MED1: variants seen among roughly 807,000 people sequenced by gnomAD.
MED1 encodes mediator complex subunit 1, also known as mediator of RNA polymerase II transcription subunit 1.
Under a neutral mutation model 121.3 loss-of-function variants are expected in MED1, and 17 were observed. The ratio of observed to expected loss-of-function variants is 0.14; its 90% CI spans 0.10 to 0.21. The LOEUF is 0.21. Ranked by LOEUF, MED1 falls within the 10% of genes least tolerant of loss-of-function variation. The pLI, the probability that MED1 is intolerant of heterozygous loss-of-function variation, is 1.00. For synonymous variants in MED1, 661 were observed against 694.4 expected (o/e 0.95, Z 0.76); for missense variants, 1,558 against 1,919.4 (o/e 0.81, Z 3.52).
chr17:39,433,335 C>G (rs2048585478), intron 7 of MED1, among the ~76,000 whole-genome samples: 1 of 150,704 alleles, frequency 6.6e-6, no homozygotes, highest in Non-Finnish European at 1.5e-5. Flanking sequence ...TGCCACTGCA[C>G]TCCAGCCTGG....
At chr17:39,439,332 T>C (rs2048650256) in intron 5 of MED1, 139 bp from the exon 6 acceptor site, 4 of 585,250 alleles carry the variant, frequency 6.8e-6, no homozygotes, top group Non-Finnish European at 1.1e-5. Flanking sequence ...TATTAAAATA[T>C]TAAAAAGCAT....
Position 39,409,788 on chromosome 17 carries a change from T to C in MED1, c.2433A>G (p.Ser811=), listed in dbSNP as rs745828226. The C allele has an allele frequency of 6.2e-7, 1 of 1,614,082 alleles. No homozygotes were observed. The highest frequency in any genetic ancestry group is 8.5e-7 in the Non-Finnish European group (1 of 1,180,036). ...GGGTACTCTGAGAATGCCCAGAGCT[T>C]GAAGAATCTCGAAGAGGGGTGCCAA... The part of the protein sequence containing the change: ...PAIGTPLRDS[S]SSGHSQSTLF... Residue 811 remains serine, a synonymous_variant, in exon 17 of 17, where the codon TCA becomes TCG. Coordinates refer to ENST00000300651, the MANE Select transcript of MED1 (RefSeq NM_004774.4).
At position 39,410,509 on chromosome 17, in the gene MED1, G is replaced by A. The variant is rs748596229; in HGVS notation, c.1712C>T (p.Pro571Leu). 6.2e-7 allele frequency: 1 copy of A among 1,614,068 alleles called. No individual in the cohort carries two copies. Residue 571 changes from proline (P) to leucine (L), a missense_variant, in exon 17 of 17, where the codon CCC (proline) becomes CTC (leucine). By Grantham distance (98) the Pro-to-Leu change is moderately conservative (BLOSUM62 -3). Transcript: ENST00000300651. ...TTPTNTFPGG[P>L]ITTLFNMSMS... ...GCTCATATTAAACAAGGTGGTAATGGGACCCCCCGGAAAGGTGTTGGTTGG... is the reference window on the plus strand; with the variant it reads ...GCTCATATTAAACAAGGTGGTAATGAGACCCCCCGGAAAGGTGTTGGTTGG...
At chr17:39,445,280 T>C (rs2048715671) in intron 2 of MED1, 1 of 152,062 alleles carries the variant, frequency 6.6e-6, no homozygotes, top group Non-Finnish European at 1.5e-5. Flanking sequence ...TAGCATGATC[T>C]TGGCTCACTG....
chr17:39,448,034 AC>A, intron 1 of MED1, 130 bp from the exon 2 acceptor site: 1 of 609,852 alleles, frequency 1.6e-6, no homozygotes, highest in East Asian at 2.8e-5. Flanking sequence ...AAATCATTTT[AC>A]TTCAAAACAT....
At chr17:39,423,240 C>T (rs944845750) in intron 13 of MED1, 87 bp downstream of exon 13, 1 of 966,566 alleles carries the variant, frequency 1.0e-6, no homozygotes, top group African/African-American at 1.6e-5. Flanking sequence ...AGAAACTTAT[C>T]TGACCTCAAT....
intron 13 of MED1, among the ~76,000 whole-genome samples, chr17:39,421,885 T>C (rs1029144467): frequency 9.3e-5 from 14 of 151,304 alleles, no homozygotes; most frequent in African/African-American, 3.4e-4. Flanking sequence ...TCCTAGCACT[T>C]TGGGAGGCCG....
chr17:39,424,714 G>A lies in MED1; in HGVS notation c.764C>T (p.Ala255Val), dbSNP rs779426321. ...AGATGTTCCTTCAATTGTCACTGAT[G>A]CATTCATGCCCAAAGATCGAGAAAC... The part of the protein sequence containing the change: ...NNVSRSLGMN[A>V]SVTIEGTSAV... Residue 255 changes from alanine (A) to valine (V), a missense_variant, in exon 11 of 17, where the codon GCA becomes GTA. Ala to Val is a moderately conservative substitution (Grantham distance 64). This residue lies in a region of MED1 where 443 missense variants were observed against 532.4 expected (regional missense o/e 0.83). Coordinates refer to ENST00000300651, the MANE Select transcript of MED1 (RefSeq NM_004774.4). 36 of 1,609,224 alleles carry A rather than the reference G, an allele frequency of 2.2e-5. 1 individual carries two copies. The highest frequency in any genetic ancestry group is 3.3e-5 in the South Asian group (3 of 90,236).
chr17:39,444,041 A>G (rs1365760192), intron 2 of MED1, among the ~76,000 whole-genome samples: 1 of 152,220 alleles, frequency 6.6e-6, no homozygotes, highest in African/African-American at 2.4e-5. Context: ...TATTAGGAAG[A>G]ATCAAAATGT....
rs1208663091 is a variant in MED1 at position 39,409,191 on chromosome 17, T to G, written c.3030A>C (p.Pro1010=). 1.2e-6 allele frequency: 2 copies of G among 1,614,108 alleles called. No homozygotes were observed. The highest frequency in any genetic ancestry group is 1.7e-6 in the Non-Finnish European group (2 of 1,180,048). The change falls in exon 17 of 17, where the codon CCA becomes CCC. Residue 1010 remains proline, a synonymous_variant. Coordinates refer to ENST00000300651, the MANE Select transcript of MED1 (RefSeq NM_004774.4). ...SNDGKSKDKP[P]KRKKADTEGK... is the part of the protein sequence containing the mutation. ...CCTCAGTGTCTGCCTTCTTCCGCTT[T>G]GGAGGCTTATCTTTGCTTTTCCCAT...
chr17:39,423,498 G>T, intron 12 of MED1, 53 bp from the exon 13 acceptor site: 2 of 1,488,886 alleles, frequency 1.3e-6, no homozygotes, highest in Non-Finnish European at 1.9e-6. Flanking sequence ...AACACTGACA[G>T]CTCAGTTTCC....
intron 5 of MED1, among the ~76,000 whole-genome samples, chr17:39,439,757 G>C (rs886638695): frequency 2.6e-4 from 39 of 152,068 alleles, no homozygotes; most frequent in African/African-American, 9.4e-4. Flanking sequence ...GGCCAACATA[G>C]GGAAACCCCG....
At chr17:39,419,184 C>T (rs545331663) in intron 14 of MED1, among the ~76,000 whole-genome samples, 1 of 151,948 alleles carries the variant, frequency 6.6e-6, no homozygotes, top group Non-Finnish European at 1.5e-5. Context: ...CAGGCTCAAG[C>T]GACAATCCTC....
chr17:39,409,915 A>G lies in MED1; in HGVS notation c.2306T>C (p.Leu769Pro). The part of the protein sequence containing the change: ...PQPSIQRMVR[L>P]SSSDSIGPDV... ...TGGGCCAATGCTGTCTGAACTGGAT[A>G]GTCGGACCATCCTTTGAATACTGGG... The change falls in exon 17 of 17, where the codon CTA becomes CCA. Residue 769 changes from leucine (L) to proline (P), a missense_variant. This residue lies in a region of MED1 where 793 missense variants were observed against 898.2 expected (regional missense o/e 0.88). Coordinates refer to ENST00000300651, the MANE Select transcript of MED1 (RefSeq NM_004774.4). 6.2e-7 allele frequency: 1 copy of G among 1,614,156 alleles called. No individual in the cohort carries two copies.
At chr17:39,415,858 C>G (rs575725664) in intron 14 of MED1, among the ~76,000 whole-genome samples, 1 of 148,044 alleles carries the variant, frequency 6.8e-6, no homozygotes, top group Non-Finnish European at 1.5e-5. Context: ...GGTGTGGTGG[C>G]GCACACCTGT....
At chr17:39,419,237 A>T (rs986015869) in intron 14 of MED1, among the ~76,000 whole-genome samples, 5 of 151,174 alleles carry the variant, frequency 3.3e-5, no homozygotes, top group Non-Finnish European at 7.4e-5. Flanking sequence ...GGCGCACACC[A>T]CCACAACTGG....
chr17:39,447,845 G>T lies in MED1; in HGVS notation c.85C>A (p.Gln29Lys). 6.2e-7 allele frequency: 1 copy of T among 1,613,772 alleles called. No individual in the cohort carries two copies. The highest frequency in any genetic ancestry group is 1.3e-5 in the African/African-American group (1 of 75,026). ...LLERLHAKFN[Q>K]NRPWSETIKL... ...ATGGTTTCACTCCAGGGTCTATTTT[G>T]GTTAAATTTTGCATGGAGCCGTTCC... is the stretch of plus-strand genomic sequence containing the variant. The change falls in exon 2 of 17, where the codon CAA (glutamine) becomes AAA (lysine). Residue 29 changes from glutamine to lysine, a missense_variant. Physicochemically the swap from Gln to Lys is moderately conservative, Grantham distance 53. Coordinates refer to ENST00000300651, the MANE Select transcript of MED1 (RefSeq NM_004774.4).
intron 14 of MED1, among the ~76,000 whole-genome samples, chr17:39,415,933 T>G (rs1463841324): frequency 2.1e-5 from 3 of 146,146 alleles, no homozygotes; most frequent in Non-Finnish European, 4.5e-5. Flanking sequence ...AGGGTTGCAG[T>G]GAGCCGAGAT....
intron 7 of MED1, among the ~76,000 whole-genome samples, chr17:39,433,004 G>A (rs1386763425): frequency 6.6e-6 from 1 of 152,114 alleles, no homozygotes; most frequent in Non-Finnish European, 1.5e-5. Flanking sequence ...AGGAGTTCGA[G>A]ACCAGCCTGG....
Sources: gnomAD v4.1 joint callset for allele counts (sites outside exome capture counted in the v4.1 genomes callset) on GRCh38, gnomAD v4.1.1 for gene constraint, gnomAD v4.1.1 regional missense constraint, MANE v1.5 for transcripts, NCBI Gene and HGNC (gene_info 2026-07-23, HGNC 2026-07-21) for gene names.